Variants in HPSE2 observed in about 807,000 individuals in gnomAD.
HPSE2 encodes heparanase 2 (inactive), also known as inactive heparanase-2.
A neutral mutation model predicts 60.5 loss-of-function variants in HPSE2; 38 were observed. That is an observed-to-expected ratio of 0.63 (90% CI 0.48 to 0.82). HPSE2 has a LOEUF of 0.82. Ranked by LOEUF, HPSE2 falls within the 40% of genes least tolerant of loss-of-function variation. The pLI is 0.00. For missense variants in HPSE2, 713 were observed against 740.4 expected (o/e 0.96, Z 0.43); for synonymous variants, 295 against 293.2 (o/e 1.01, Z -0.06).
chr10:98,819,550 A>T (rs1216183888), intron 3 of HPSE2, among the ~76,000 whole-genome samples: 1 of 151,816 alleles, frequency 6.6e-6, no homozygotes, highest in African/African-American at 2.4e-5. Flanking sequence ...GCTGATTTAC[A>T]TCCCCATCAC....
chr10:99,304,943 G>A, the HPSE2 span, among the ~76,000 whole-genome samples: 1 of 152,196 alleles, frequency 6.6e-6, no homozygotes, highest in Non-Finnish European at 1.5e-5. Context: ...AAGCAGAATG[G>A]AATTTTCTAG....
At chr10:99,012,992 G>A in intron 3 of HPSE2, 1 of 302,438 alleles carries the variant, frequency 3.3e-6, no homozygotes, top group Non-Finnish European at 6.4e-6. Context: ...CATAGAAAAA[G>A]TTTAAATCAG....
chr10:98,911,017 T>C (rs1218079635), intron 3 of HPSE2, among the ~76,000 whole-genome samples: 6 of 151,944 alleles, frequency 3.9e-5, no homozygotes, highest in South Asian at 2.1e-4. Flanking sequence ...AAAAACAGAA[T>C]TGAGCCAGAA....
chr10:98,790,881 T>C (rs1448540019), intron 3 of HPSE2, among the ~76,000 whole-genome samples: 1 of 152,100 alleles, frequency 6.6e-6, no homozygotes, highest in Non-Finnish European at 1.5e-5. Context: ...ATTACTGCAG[T>C]GACTAAAAGA....
At chr10:98,752,194 A>G (rs1232463565) in intron 3 of HPSE2, among the ~76,000 whole-genome samples, 1 of 152,212 alleles carries the variant, frequency 6.6e-6, no homozygotes, top group Non-Finnish European at 1.5e-5. Context: ...TATGAAAAGG[A>G]TAGAAAAATA....
At chr10:98,952,660 G>T (rs764575427) in intron 3 of HPSE2, among the ~76,000 whole-genome samples, 9 of 152,116 alleles carry the variant, frequency 5.9e-5, no homozygotes, top group Non-Finnish European at 7.4e-5. Flanking sequence ...TTAAACAACA[G>T]AAATTATTTT....
intron 3 of HPSE2, among the ~76,000 whole-genome samples, chr10:98,969,334 C>T (rs574022321): frequency 7.2e-4 from 109 of 152,236 alleles, no homozygotes; most frequent in African/African-American, 2.6e-3. Context: ...CTAATCTTTC[C>T]TTTTTCTACC....
intron 3 of HPSE2, among the ~76,000 whole-genome samples, chr10:99,103,317 C>G (rs1844092911): frequency 6.6e-6 from 1 of 152,154 alleles, no homozygotes; most frequent in Non-Finnish European, 1.5e-5. Context: ...ACAAAAATCA[C>G]AAGCATTCTT....
At chr10:98,596,993 G>A (rs1297439116) in intron 9 of HPSE2, among the ~76,000 whole-genome samples, 1 of 152,052 alleles carries the variant, frequency 6.6e-6, no homozygotes, top group Non-Finnish European at 1.5e-5. Flanking sequence ...TATGGTGGAA[G>A]GGGAAACAAA....
chr10:98,603,100 A>C (rs946440371), intron 9 of HPSE2, among the ~76,000 whole-genome samples: 1 of 152,180 alleles, frequency 6.6e-6, no homozygotes, highest in South Asian at 2.1e-4. Flanking sequence ...AGTCTGAAAA[A>C]TCAACAATTT....
At chr10:99,198,877 T>C (rs1210972669) in intron 2 of HPSE2, among the ~76,000 whole-genome samples, 1 of 152,074 alleles carries the variant, frequency 6.6e-6, no homozygotes, top group Admixed American at 6.6e-5. Context: ...GAAACCACCA[T>C]TCTACTCTTT....
intron 3 of HPSE2, among the ~76,000 whole-genome samples, chr10:98,972,601 ATTC>A (rs1377990935): frequency 6.6e-6 from 1 of 152,122 alleles, no homozygotes; most frequent in Admixed American, 6.6e-5. Context: ...TGAGATCTCC[ATTC>A]TGCTCCCTCA....
At chr10:99,294,912 C>T in the HPSE2 span, among the ~76,000 whole-genome samples, 6 of 151,630 alleles carry the variant, frequency 4.0e-5, no homozygotes, top group Admixed American at 6.6e-5. Context: ...GTCGAGATGG[C>T]GCCACTGCAC....
At chr10:99,122,514 AG>A (rs1844996653) in intron 3 of HPSE2, among the ~76,000 whole-genome samples, 1 of 152,010 alleles carries the variant, frequency 6.6e-6, no homozygotes, top group South Asian at 2.1e-4. Context: ...AAATAATTAA[AG>A]TATGCATTTT....
intron 3 of HPSE2, among the ~76,000 whole-genome samples, chr10:99,138,604 A>T (rs1376083163): frequency 2.0e-5 from 3 of 152,220 alleles, no homozygotes; most frequent in Non-Finnish European, 4.4e-5. Context: ...GACATGGATG[A>T]AGCTGGAAAC....
intron 3 of HPSE2, among the ~76,000 whole-genome samples, chr10:99,002,755 T>A (rs1020943773): frequency 6.6e-6 from 1 of 152,058 alleles, no homozygotes; most frequent in African/African-American, 2.4e-5. Flanking sequence ...AAAAAGTATT[T>A]TATATTTTTA....
At chr10:99,130,812 T>C (rs113753692) in intron 3 of HPSE2, among the ~76,000 whole-genome samples, 1,818 of 152,268 alleles carry the variant, frequency 0.012, 37 homozygotes, top group African/African-American at 0.041. Flanking sequence ...ACTGTGGATA[T>C]AGCTTGCCAC....
At chr10:99,249,445 C>T in the HPSE2 span, among the ~76,000 whole-genome samples, 1 of 152,162 alleles carries the variant, frequency 6.6e-6, no homozygotes, top group South Asian at 2.1e-4. Context: ...CTGATTTCTC[C>T]CTTTTGGAAT....
intron 2 of HPSE2, among the ~76,000 whole-genome samples, chr10:99,197,734 C>T (rs1848449016): frequency 6.6e-6 from 1 of 152,010 alleles, no homozygotes; most frequent in Non-Finnish European, 1.5e-5. Context: ...CAGTAACACC[C>T]GAGCATAACA....
Sources: allele counts gnomAD v4.1 joint callset (sites outside exome capture counted in the v4.1 genomes callset), GRCh38; gene constraint gnomAD v4.1.1; transcripts MANE v1.5; gene names NCBI Gene and HGNC (gene_info 2026-07-23, HGNC 2026-07-21).